Variants in PTGER3 observed in about 807,000 individuals in gnomAD.
PTGER3 encodes the protein prostaglandin E2 receptor EP3 subtype.
Under a neutral mutation model 34.7 loss-of-function variants are expected in PTGER3, and 22 were observed. The observed-to-expected ratio is 0.63, with a 90% confidence interval of 0.45 to 0.91. The LOEUF is 0.91. Among genes scored for constraint, PTGER3 ranks in the 40% least tolerant of loss-of-function variants. The probability of loss-of-function intolerance (pLI) is 0.00; values close to 1 mark genes in which losing one functional copy is unlikely to be tolerated. For synonymous variants in PTGER3, 241 were observed against 230.1 expected (o/e 1.05, Z -0.43); for missense variants, 468 against 519.4 (o/e 0.90, Z 0.96).
chr1:70,969,701 G>A (rs906831075), downstream of PTGER3, among the ~76,000 whole-genome samples: 10 of 152,122 alleles, frequency 6.6e-5, no homozygotes, highest in Admixed American at 2.6e-4. Flanking sequence ...AAAAATTATC[G>A]TGAGGTCTTA....
intron 4 of PTGER3, among the ~76,000 whole-genome samples, chr1:70,854,408 TGAGATATCACC>T (rs1388258457): frequency 6.6e-6 from 1 of 152,158 alleles, no homozygotes; most frequent in Non-Finnish European, 1.5e-5. Context: ...AGAACTATAA[TGAGATATCACC>T]CATTAAGATG....
intron 2 of PTGER3, among the ~76,000 whole-genome samples, chr1:70,961,581 T>G (rs1461409941): frequency 1.3e-5 from 2 of 152,202 alleles, no homozygotes; most frequent in Admixed American, 1.3e-4. Flanking sequence ...CTGCTTATCT[T>G]TCACTCTTTC....
intron 3 of PTGER3, 55 bp from the exon 4 acceptor site, chr1:70,971,788 T>TA (rs150815235): frequency 0.031 from 41,073 of 1,305,636 alleles, 840 homozygotes; most frequent in Non-Finnish European, 0.039. Flanking sequence ...TTATTTTTTT[T>TA]AAATTTTGTG....
At chr1:70,894,447 C>T (rs1341762445) in intron 4 of PTGER3, among the ~76,000 whole-genome samples, 2 of 151,948 alleles carry the variant, frequency 1.3e-5, no homozygotes, top group African/African-American at 4.8e-5. Context: ...CATTGAATGC[C>T]TAGTTTTCTA....
chr1:71,013,098 T>C (rs1194307264), intron 1 of PTGER3, among the ~76,000 whole-genome samples: 5 of 152,122 alleles, frequency 3.3e-5, no homozygotes. Context: ...ATATTATACT[T>C]TTCTTTGCCC....
At chr1:70,961,236 T>A (rs1282209300) in intron 2 of PTGER3, among the ~76,000 whole-genome samples, 1 of 152,202 alleles carries the variant, frequency 6.6e-6, no homozygotes, top group African/African-American at 2.4e-5. Context: ...ATTTCAACAA[T>A]CCTGCCTGAT....
At chr1:70,946,482 G>A (rs550193292) in intron 4 of PTGER3, among the ~76,000 whole-genome samples, 85 of 152,254 alleles carry the variant, frequency 5.6e-4, no homozygotes, top group Non-Finnish European at 9.0e-4. Flanking sequence ...GTTAAACTAT[G>A]GCAAGTAATA....
intron 4 of PTGER3, among the ~76,000 whole-genome samples, chr1:70,923,630 A>G (rs777170094): frequency 6.6e-6 from 1 of 152,240 alleles, no homozygotes; most frequent in Non-Finnish European, 1.5e-5. Flanking sequence ...AGAAGTCTAA[A>G]GTAATCTTTT....
chr1:70,865,604 T>A lies in PTGER3; in HGVS notation c.*24-12745A>T, dbSNP rs78823391. On this transcript the variant is annotated intron_variant, in intron 4 of 4. Coordinates refer to the PTGER3 transcript ENST00000370931. ...GACAACAGAGATGAAAGATGGTAAG[T>A]TATTTTTGGAGCATGTTTCATTAGA... 2.2e-3 allele frequency: 2,772 copies of A among 1,276,654 alleles called. 6 individuals are homozygous for A. Among genetic ancestry groups the A allele is most frequent in the Non-Finnish European group, 2.6e-3 (2,449 of 955,910 alleles). 79.1% of individuals were successfully genotyped at this position (1,276,654 alleles called of 1,614,324 possible).
intron 4 of PTGER3, among the ~76,000 whole-genome samples, chr1:70,899,613 T>C (rs1361470633): frequency 2.0e-5 from 3 of 152,020 alleles, no homozygotes; most frequent in Non-Finnish European, 4.4e-5. Flanking sequence ...GATTTTACTC[T>C]GCAGGATTTT....
At chr1:70,859,296 C>A (rs1001956882) in intron 4 of PTGER3, among the ~76,000 whole-genome samples, 3 of 152,156 alleles carry the variant, frequency 2.0e-5, no homozygotes, top group Non-Finnish European at 4.4e-5. Context: ...TAAAGATTTG[C>A]CACATGATTT....
intron 4 of PTGER3, among the ~76,000 whole-genome samples, chr1:70,859,948 G>A (rs1645891245): frequency 6.6e-6 from 1 of 151,346 alleles, no homozygotes; most frequent in Admixed American, 6.6e-5. Context: ...GAAGTAATGA[G>A]ACAAGATAAT....
At chr1:70,882,654 T>C (rs1303302979) in intron 4 of PTGER3, among the ~76,000 whole-genome samples, 1 of 152,118 alleles carries the variant, frequency 6.6e-6, no homozygotes, top group East Asian at 1.9e-4. Flanking sequence ...TCTACCTCAG[T>C]TTATTATCAC....
At chr1:70,852,836 G>T (rs778423556) in exon 5 of PTGER3, 1 of 1,613,454 alleles carries the variant, frequency 6.2e-7, no homozygotes, top group Admixed American at 1.7e-5. Flanking sequence ...AGAAAGGCAG[G>T]TTTTAATTTC....
intron 2 of PTGER3, among the ~76,000 whole-genome samples, chr1:70,959,317 A>G (rs565624775): frequency 6.6e-6 from 1 of 151,904 alleles, no homozygotes; most frequent in Admixed American, 6.6e-5. Context: ...ATCCATGAAC[A>G]TAGGATATCT....
chr1:71,022,607 A>C lies in PTGER3; in HGVS notation c.898-10123T>G, dbSNP rs138090559. 8.4e-3 allele frequency among the ~76,000 whole-genome samples: 1,270 copies of C among 151,964 alleles called. 78 individuals are homozygous for C. The highest frequency in any genetic ancestry group is 0.066 in the Admixed American group (1,001 of 15,270). ...TCCAAAATAGATGCATCTTATATTC[A>C]GGATGGACACTGGGTGAATATGAGC... is the stretch of plus-strand genomic sequence containing the variant. On this transcript the variant is annotated intron_variant, in intron 1 of 3. Transcript: ENST00000306666.
intron 1 of PTGER3, among the ~76,000 whole-genome samples, chr1:71,035,725 C>G (rs1659763498): frequency 6.6e-6 from 1 of 152,214 alleles, no homozygotes; most frequent in African/African-American, 2.4e-5. Context: ...TGTGAATTAT[C>G]TGGCCCTGCC....
intron 4 of PTGER3, among the ~76,000 whole-genome samples, chr1:70,892,745 G>A (rs568784784): frequency 5.3e-5 from 8 of 150,778 alleles, no homozygotes; most frequent in African/African-American, 1.5e-4. Flanking sequence ...GGAGGCTGAG[G>A]CAGGAGAATT....
At chr1:70,988,696 A>G (rs1011049360) in intron 2 of PTGER3, among the ~76,000 whole-genome samples, 2 of 152,210 alleles carry the variant, frequency 1.3e-5, no homozygotes, top group African/African-American at 4.8e-5. Context: ...CAGAATTTAC[A>G]TAAATAGGAA....
Sources: gnomAD v4.1 joint callset for allele counts (sites outside exome capture counted in the v4.1 genomes callset) on GRCh38, gnomAD v4.1.1 for gene constraint, MANE v1.5 for transcripts, NCBI Gene and HGNC (gene_info 2026-07-23, HGNC 2026-07-21) for gene names.